Variants in SYN3 observed in about 807,000 individuals in gnomAD.
SYN3 encodes the protein synapsin III, also known as synapsin-3.
A neutral mutation model predicts 65.8 loss-of-function variants in SYN3; 35 were observed. The observed-to-expected ratio is 0.53, with a 90% CI of 0.41 to 0.70. The LOEUF (loss-of-function observed/expected upper bound fraction) is 0.70. Ranked by LOEUF, SYN3 falls within the 30% of genes least tolerant of loss-of-function variation. SYN3 has a pLI of 0.00. For missense variants in SYN3, 680 were observed against 749.0 expected (o/e 0.91, Z 1.08); for synonymous variants, 270 against 292.9 (o/e 0.92, Z 0.80).
At chr22:32,750,464 T>TG (rs1240962941) in intron 6 of SYN3, among the ~76,000 whole-genome samples, 2 of 152,032 alleles carry the variant, frequency 1.3e-5, no homozygotes, top group African/African-American at 4.8e-5. Flanking sequence ...TTCTGCATCA[T>TG]GGGGATGAGG....
rs563440519 is a variant in SYN3, at chr22:32,730,226, T to G, written c.712-133490A>C. Among the ~76,000 whole-genome samples the G allele has an allele frequency of 3.3e-5, 5 of 152,360 alleles. No homozygotes were observed. In the East Asian group the frequency reaches 9.6e-4, roughly 29 times the overall value. On this transcript the variant is annotated intron_variant, in intron 6 of 13. Transcript: ENST00000358763. ...ACTAAATGCACACCTTGAATATATTTCATCCCATTGGCCTGACTAAACCTA... is the reference window on the plus strand; with the variant it reads ...ACTAAATGCACACCTTGAATATATTGCATCCCATTGGCCTGACTAAACCTA...
chr22:33,028,670 G>GTGGTGA (rs2053685454), intron 1 of SYN3, among the ~76,000 whole-genome samples: 11 of 118,088 alleles, frequency 9.3e-5, no homozygotes, highest in East Asian at 2.8e-4. Flanking sequence ...GGTGGTGGTG[G>GTGGTGA]TGGTGGTGGT....
In SYN3 at chr22:32,986,448, G is replaced by A. The variant is rs540396914; in HGVS notation, c.312-5746C>T. The stretch of plus-strand genomic sequence containing the variant: ...ATGTTTACTGCAGGGCCTGGCAGAC[G>A]GACTGGGGCTGAAGCTGAGGGTCAG... On this transcript the variant is annotated intron_variant, in intron 2 of 13. Coordinates refer to ENST00000358763, the MANE Select transcript of SYN3 (RefSeq NM_003490.4). Among the ~76,000 whole-genome samples the A allele has an allele frequency of 2.7e-3, 413 of 152,296 alleles. 3 individuals are homozygous for A. Among genetic ancestry groups the A allele is most frequent in the African/African-American group, 8.1e-3 (338 of 41,572 alleles).
rs2049878899 is a variant in SYN3, at chr22:32,905,575, T to C, written c.461+25815A>G. Among the ~76,000 whole-genome samples, 9 of 152,380 alleles carry C rather than the reference T, an allele frequency of 5.9e-5. 2 individuals carry two copies. The South Asian group carries it at 1.9e-3, about 32-fold the overall frequency. On this transcript the variant is annotated intron_variant, in intron 4 of 13. Coordinates refer to ENST00000358763, the MANE Select transcript of SYN3 (RefSeq NM_003490.4). ...TTTGCTTTCACACTGCATTTGATTC[T>C]CACAGGCGCATTGCCAGGAGGGCAT...
intron 12 of SYN3, among the ~76,000 whole-genome samples, chr22:32,521,557 C>T (rs892185997): frequency 6.6e-6 from 1 of 150,844 alleles, no homozygotes; most frequent in Admixed American, 6.7e-5. Flanking sequence ...AGAGATTCTC[C>T]TGCCTCAGCC....
rs183376298 is a variant in SYN3 at position 32,781,895 on chromosome 22, C to T, written c.711+83020G>A. 1.1e-3 allele frequency among the ~76,000 whole-genome samples: 165 copies of T among 152,022 alleles called. 1 individual carries two copies. The highest frequency in any genetic ancestry group is 0.01 in the Middle Eastern group (3 of 294). The stretch of plus-strand genomic sequence containing the variant: ...TTTCATTCTCTTACAAAACAGTTTT[C>T]TTTTTTAAACAGAACAGACAAGCAA... On this transcript the variant is annotated intron_variant, in intron 6 of 13. Coordinates refer to ENST00000358763, the MANE Select transcript of SYN3 (RefSeq NM_003490.4).
rs971426420 is a variant in SYN3, at chr22:32,675,782, A to G, written c.712-79046T>C. Among the ~76,000 whole-genome samples, 4 of 151,854 alleles carry G rather than the reference A, an allele frequency of 2.6e-5. No homozygotes were observed. In the South Asian group the frequency reaches 6.2e-4, roughly 24 times the overall value. On this transcript the variant is annotated intron_variant, in intron 6 of 13. Coordinates refer to ENST00000358763, the MANE Select transcript of SYN3 (RefSeq NM_003490.4). ...TTCTTCTCACTGCAAACTTGATGAA[A>G]GTCTCCCTGAGCTAGCAAGTGGTGA...
intron 4 of SYN3, among the ~76,000 whole-genome samples, chr22:32,876,971 G>A (rs912489945): frequency 1.3e-5 from 2 of 152,234 alleles, no homozygotes; most frequent in African/African-American, 4.8e-5. Context: ...TAAATAGACG[G>A]TAGGTAGATA....
intron 2 of SYN3, among the ~76,000 whole-genome samples, chr22:32,993,271 C>T (rs945180897): frequency 6.6e-6 from 1 of 152,132 alleles, no homozygotes; most frequent in Non-Finnish European, 1.5e-5. Flanking sequence ...ACCCAACAGC[C>T]CCATCTTTCT....
Position 32,665,067 on chromosome 22 carries a change from C to T in SYN3, c.712-68331G>A, listed in dbSNP as rs1035122592. Among the ~76,000 whole-genome samples, 11 of 143,964 alleles carry T rather than the reference C, an allele frequency of 7.6e-5. 1 individual carries two copies. Among genetic ancestry groups the T allele is most frequent in the Admixed American group, 3.6e-4 (5 of 13,742 alleles). 94.4% of individuals were successfully genotyped at this position (143,964 alleles called of 152,430 possible). A position where few individuals can be genotyped will look rare whatever the true frequency, so the allele number is the denominator to read the frequency against. Reference sequence around the variant, plus strand: ...AGGTTAGAGTGCAGTGGTGCCATCCCGGCTCACCACAACCTCTGCCTCCTG... The same window carrying T: ...AGGTTAGAGTGCAGTGGTGCCATCCTGGCTCACCACAACCTCTGCCTCCTG... On this transcript the variant is annotated intron_variant, in intron 6 of 13. Transcript: ENST00000358763.
At chr22:32,613,280 CAGTAAATAAATAACA>C (rs1429737678) in intron 6 of SYN3, among the ~76,000 whole-genome samples, 7 of 151,838 alleles carry the variant, frequency 4.6e-5, no homozygotes, top group African/African-American at 1.5e-4. Flanking sequence ...TAATATAATA[CAGTAAATAAATAACA>C]AATAAATAAA....
chr22:32,857,507 A>C (rs1181770170), intron 6 of SYN3: 4 of 719,264 alleles, frequency 5.6e-6, no homozygotes, highest in Non-Finnish European at 1.0e-5. Flanking sequence ...CCACTTACCC[A>C]GTGCTAGGAG....
chr22:32,760,550 G>A (rs187709479), intron 6 of SYN3, among the ~76,000 whole-genome samples: 1 of 152,206 alleles, frequency 6.6e-6, no homozygotes, highest in Non-Finnish European at 1.5e-5. Flanking sequence ...ACCACAGTCA[G>A]GGGAGGTTGA....
chr22:32,974,120 G>A (rs2052106994), intron 3 of SYN3, among the ~76,000 whole-genome samples: 1 of 152,196 alleles, frequency 6.6e-6, no homozygotes, highest in South Asian at 2.1e-4. Context: ...GCATTGTGAG[G>A]TTGAAATAAG....
intron 4 of SYN3, among the ~76,000 whole-genome samples, chr22:32,922,347 A>C (rs2050356689): frequency 6.6e-6 from 1 of 152,190 alleles, no homozygotes; most frequent in African/African-American, 2.4e-5. Context: ...TTTTATCTAT[A>C]AAATGGTGAT....
intron 7 of SYN3, among the ~76,000 whole-genome samples, chr22:32,594,767 C>T (rs551140915): frequency 3.4e-4 from 51 of 152,232 alleles, no homozygotes; most frequent in African/African-American, 1.1e-3. Flanking sequence ...GGATTATAGG[C>T]GTGAGCCACC....
At chr22:32,734,513 G>GCAGACAGACAGA (rs6147593) in intron 6 of SYN3, among the ~76,000 whole-genome samples, 33,362 of 151,334 alleles carry the variant, frequency 0.22, 4,898 homozygotes, top group African/African-American at 0.42. Flanking sequence ...AGGCAGGCAG[G>GCAGACAGACAGA]CAGACAGACA....
chr22:32,916,085 A>T (rs773327790), intron 4 of SYN3, among the ~76,000 whole-genome samples: 1 of 152,192 alleles, frequency 6.6e-6, no homozygotes, highest in Non-Finnish European at 1.5e-5. Context: ...ACCACATGAG[A>T]AATCTGACTA....
rs182098370 is a variant in SYN3, at chr22:32,705,154, C to T, written c.712-108418G>A. On this transcript the variant is annotated intron_variant, in intron 6 of 13. Coordinates refer to ENST00000358763, the MANE Select transcript of SYN3 (RefSeq NM_003490.4). Reference sequence around the variant, plus strand: ...GTTCCTATGTCCAGAATGGTATTGCCTCCATTGTCTTCCAGGATTTTTATA... The same window carrying T: ...GTTCCTATGTCCAGAATGGTATTGCTTCCATTGTCTTCCAGGATTTTTATA... Among the ~76,000 whole-genome samples the T allele has an allele frequency of 4.6e-5, 7 of 152,268 alleles. No individual in the cohort carries two copies. The East Asian group carries it at 1.3e-3, about 29-fold the overall frequency.
Sources: gnomAD v4.1 joint callset for allele counts (sites outside exome capture counted in the v4.1 genomes callset) on GRCh38, gnomAD v4.1.1 for gene constraint, MANE v1.5 for transcripts, NCBI Gene and HGNC (gene_info 2026-07-23, HGNC 2026-07-21) for gene names.